The following CCDC146 variants were observed in gnomAD, a reference collection of about 807,000 sequenced individuals.
CCDC146 encodes coiled-coil domain containing 146.
Under a neutral mutation model 119.3 loss-of-function variants are expected in CCDC146, and 92 were observed. That is an observed-to-expected ratio of 0.77 (90% CI 0.65 to 0.92). The LOEUF is 0.92. CCDC146 is among the 40% of genes least tolerant of loss of function. CCDC146 has a pLI of 0.00. For synonymous variants in CCDC146, 372 were observed against 371.8 expected, an observed-to-expected ratio of 1.00 and a Z score of -0.01; for missense variants, 1,000 against 1,103.0, an observed-to-expected ratio of 0.91 and a Z score of 1.32.
At chr7:77,131,458 C>G (rs1025198054) in intron 1 of CCDC146, among the ~76,000 whole-genome samples, 6 of 152,038 alleles carry the variant, frequency 3.9e-5, no homozygotes, top group Non-Finnish European at 7.3e-5. Flanking sequence ...TGGCTCACAC[C>G]TGTAATCTCA....
intron 17 of CCDC146, among the ~76,000 whole-genome samples, chr7:77,290,811 T>C (rs1221399613): frequency 2.0e-5 from 3 of 152,340 alleles, no homozygotes; most frequent in Admixed American, 2.0e-4. Flanking sequence ...TATTACATTT[T>C]CAGAGGCAGG....
At position 77,260,009 on chromosome 7, in the gene CCDC146, A is replaced by T; in HGVS notation, c.759A>T (p.Val253=). The T allele has an allele frequency of 6.4e-7, 1 of 1,574,176 alleles. No homozygotes were observed. The highest frequency in any genetic ancestry group is 1.1e-5 in the South Asian group (1 of 89,802). Residue 253 remains valine, a splice_region_variant and synonymous_variant, in exon 8 of 19, where the codon GTA becomes GTT. Coordinates refer to ENST00000285871, the MANE Select transcript of CCDC146 (RefSeq NM_020879.3). ...KEIEKITRKK[V]EMEKKKIVLE... is the part of the protein sequence containing the mutation. The stretch of plus-strand genomic sequence containing the variant: ...GTGTGTGTGTGTGTATCCCCTACAG[A>T]GAAATGGAAAAGAAAAAAATTGTCT...
chr7:77,277,994 T>C (rs1476605055), intron 11 of CCDC146, among the ~76,000 whole-genome samples: 1 of 152,224 alleles, frequency 6.6e-6, no homozygotes, highest in Admixed American at 6.5e-5. Flanking sequence ...TTTTAAAATA[T>C]TTATGTGTAA....
At chr7:77,123,279 C>A (rs1475015349) in intron 1 of CCDC146, among the ~76,000 whole-genome samples, 1 of 150,160 alleles carries the variant, frequency 6.7e-6, no homozygotes, top group Non-Finnish European at 1.5e-5. Flanking sequence ...CACCATGGTG[C>A]GGTGGAAAGA....
At chr7:77,258,894 C>G in intron 6 of CCDC146, 101 bp from the exon 7 acceptor site, 7 of 743,174 alleles carry the variant, frequency 9.4e-6, no homozygotes. Context: ...TGGTAAGTAT[C>G]TACATATTGT....
intron 1 of CCDC146, among the ~76,000 whole-genome samples, chr7:77,136,441 A>G (rs1331938366): frequency 6.6e-6 from 1 of 152,198 alleles, no homozygotes; most frequent in African/African-American, 2.4e-5. Flanking sequence ...AATGAAACTG[A>G]TCACTACAGA....
At chr7:77,247,455 C>A (rs1181512090) in intron 4 of CCDC146, among the ~76,000 whole-genome samples, 6 of 152,172 alleles carry the variant, frequency 3.9e-5, no homozygotes, top group African/African-American at 1.4e-4. Context: ...TAAAATACCA[C>A]TAATGTATAT....
chr7:77,214,589 C>T lies in CCDC146; in HGVS notation c.157-22358C>T, dbSNP rs536252550. ...GGTCTTACATTCAAGTCTTTAATCC[C>T]TCTTGAGTTAATTTTTATATGTGGT... On this transcript the variant is annotated intron_variant, in intron 2 of 18. Coordinates refer to ENST00000285871, the MANE Select transcript of CCDC146 (RefSeq NM_020879.3). 7.9e-5 allele frequency among the ~76,000 whole-genome samples: 12 copies of T among 152,048 alleles called. 1 individual carries two copies. The South Asian group carries it at 8.3e-4, about 11-fold the overall frequency.
At chr7:77,293,644 C>T (rs58444842) in intron 18 of CCDC146, among the ~76,000 whole-genome samples, 35,196 of 152,190 alleles carry the variant, frequency 0.23, 4,760 homozygotes, top group African/African-American at 0.36. Flanking sequence ...TCTGCAGATG[C>T]TTGATGTACA....
At chr7:77,278,914 G>T in intron 12 of CCDC146, 23 bp from the exon 13 acceptor site, 1 of 1,604,760 alleles carries the variant, frequency 6.2e-7, no homozygotes, top group South Asian at 1.1e-5. Context: ...ATAAGTTTCA[G>T]TAAACACTTT....
At chr7:77,191,053 C>A (rs369319626) in intron 2 of CCDC146, among the ~76,000 whole-genome samples, 3 of 152,242 alleles carry the variant, frequency 2.0e-5, no homozygotes, top group South Asian at 4.2e-4. Context: ...GCCACTGTTA[C>A]ATTCCCAGTC....
intron 2 of CCDC146, chr7:77,193,739 A>G (rs1791813358): frequency 6.6e-6 from 1 of 152,258 alleles, no homozygotes. Context: ...GGAATTTCTA[A>G]GGACCCAGTT....
rs1482262749 is a variant in CCDC146 at position 77,293,207 on chromosome 7, T to C, written c.2664+7T>C. On this transcript the variant is annotated splice_region_variant and intron_variant, in intron 18 of 18. Coordinates refer to ENST00000285871, the MANE Select transcript of CCDC146 (RefSeq NM_020879.3). ...CATCGCTGAAAAGTCTCAGGTAGGC[T>C]TTGGCTCCTGTATTGCATTTCTAAA... is the stretch of plus-strand genomic sequence containing the variant. 1.2e-6 allele frequency: 2 copies of C among 1,613,074 alleles called. No homozygotes were observed. Among genetic ancestry groups the C allele is most frequent in the Non-Finnish European group, 1.7e-6 (2 of 1,179,852 alleles).
Position 77,206,444 on chromosome 7 carries a change from A to G in CCDC146, c.157-30503A>G, listed in dbSNP as rs1183940811. On this transcript the variant is annotated intron_variant, in intron 2 of 18. Coordinates refer to ENST00000285871, the MANE Select transcript of CCDC146 (RefSeq NM_020879.3). Reference sequence around the variant, plus strand: ...AGCCCGGCCAATGTGGTGAAATCCCATCTCTACTAAAAATACAAAAATTAG... The same window carrying G: ...AGCCCGGCCAATGTGGTGAAATCCCGTCTCTACTAAAAATACAAAAATTAG... 2.0e-5 allele frequency among the ~76,000 whole-genome samples: 3 copies of G among 152,016 alleles called. No homozygotes were observed. The East Asian group carries it at 5.8e-4, about 29-fold the overall frequency.
At chr7:77,229,022 G>A (rs1313314630) in intron 2 of CCDC146, among the ~76,000 whole-genome samples, 1 of 152,198 alleles carries the variant, frequency 6.6e-6, no homozygotes, top group East Asian at 1.9e-4. Flanking sequence ...CATTCTGACT[G>A]GTGTGAGATG....
chr7:77,282,523 C>T (rs370577785), intron 14 of CCDC146, 34 bp from the exon 15 acceptor site: 13 of 1,469,616 alleles, frequency 8.8e-6, no homozygotes, highest in African/African-American at 1.4e-5. Context: ...GGTCTCAATG[C>T]CCACTTAGCC....
In CCDC146 at chr7:77,273,801, T is replaced by C. The variant is rs1793573627; in HGVS notation, c.1269+12T>C. 1.9e-6 allele frequency: 3 copies of C among 1,554,536 alleles called. No individual in the cohort carries two copies. Among genetic ancestry groups the C allele is most frequent in the East Asian group, 2.3e-5 (1 of 44,428 alleles). On this transcript the variant is annotated intron_variant, in intron 10 of 18. Transcript: ENST00000285871. Reference sequence around the variant, plus strand: ...ATTTGGCCCAACAGGTTAATATCAATGCTCATTTAAGCTTCTATCTAAGAA... The same window carrying C: ...ATTTGGCCCAACAGGTTAATATCAACGCTCATTTAAGCTTCTATCTAAGAA...
chr7:77,267,328 T>A (rs2150524508), intron 9 of CCDC146, among the ~76,000 whole-genome samples: 1 of 152,256 alleles, frequency 6.6e-6, no homozygotes, highest in East Asian at 1.9e-4. Context: ...CAGTGCTGAC[T>A]TGTCAGATAG....
intron 4 of CCDC146, among the ~76,000 whole-genome samples, chr7:77,250,803 T>G (rs905084018): frequency 4.6e-5 from 7 of 150,874 alleles, no homozygotes; most frequent in African/African-American, 1.7e-4. Flanking sequence ...CCCAGAGTTC[T>G]TGGATATTCT....
Sources: allele counts gnomAD v4.1 joint callset (sites outside exome capture counted in the v4.1 genomes callset), GRCh38; gene constraint gnomAD v4.1.1; transcripts MANE v1.5; gene names NCBI Gene and HGNC (gene_info 2026-07-23, HGNC 2026-07-21).